Variants in TMEM196 observed in about 807,000 individuals in gnomAD.
TMEM196 encodes the protein transmembrane protein 196.
In TMEM196, 17 loss-of-function variants were observed where a neutral mutation model predicts 20.0. The observed-to-expected ratio is 0.85, with a 90% confidence interval of 0.58 to 1.27. The LOEUF is 1.27. Ranked by LOEUF, TMEM196 falls within the 50% of genes most tolerant of loss-of-function variation. The probability of loss-of-function intolerance (pLI) is 0.00; values close to 1 mark genes in which losing one functional copy is unlikely to be tolerated. For missense variants in TMEM196, 267 were observed against 223.0 expected, an observed-to-expected ratio of 1.20 and a Z score of -1.26; for synonymous variants, 113 against 88.9, an observed-to-expected ratio of 1.27 and a Z score of -1.52.
chr7:19,729,224 T>C (rs1227897618), intron 2 of TMEM196, among the ~76,000 whole-genome samples, 158 bp downstream of exon 2: 2 of 150,740 alleles, frequency 1.3e-5, no homozygotes, highest in African/African-American at 4.9e-5. Flanking sequence ...ATGGTTTTCT[T>C]TGAAAACAGA....
At chr7:19,744,603 A>G (rs1784688047) in intron 1 of TMEM196, among the ~76,000 whole-genome samples, 1 of 152,220 alleles carries the variant, frequency 6.6e-6, no homozygotes, top group Admixed American at 6.5e-5. Flanking sequence ...AATATCCCTT[A>G]GGGGTACAAT....
chr7:19,765,677 T>TA (rs1785599301), intron 1 of TMEM196, among the ~76,000 whole-genome samples: 1 of 152,168 alleles, frequency 6.6e-6, no homozygotes. Flanking sequence ...AGCTTTATGA[T>TA]AGAGTTTCTA....
intron 1 of TMEM196, among the ~76,000 whole-genome samples, chr7:19,736,443 G>T (rs1459959599): frequency 1.5e-5 from 2 of 135,292 alleles, no homozygotes; most frequent in African/African-American, 5.6e-5. Context: ...AAGTTGGAAA[G>T]CTTGCCTGAA....
At chr7:19,741,366 T>C (rs531183828) in intron 1 of TMEM196, among the ~76,000 whole-genome samples, 4 of 152,294 alleles carry the variant, frequency 2.6e-5, no homozygotes, top group African/African-American at 9.6e-5. Context: ...AATGAATGAA[T>C]CAGTAAATGC....
chr7:19,757,343 T>TC (rs1444805318), intron 1 of TMEM196, among the ~76,000 whole-genome samples: 5 of 143,110 alleles, frequency 3.5e-5, no homozygotes, highest in Non-Finnish European at 6.1e-5. Flanking sequence ...CCAGCTTTTT[T>TC]TTTTTTTTTT....
intron 1 of TMEM196, among the ~76,000 whole-genome samples, chr7:19,763,359 G>T (rs990586359): frequency 6.6e-6 from 1 of 152,068 alleles, no homozygotes; most frequent in South Asian, 2.1e-4. Context: ...AAAATAATTG[G>T]CAGGGTACAA....
At chr7:19,771,571 G>T (rs1420256191) in intron 1 of TMEM196, among the ~76,000 whole-genome samples, 1 of 152,266 alleles carries the variant, frequency 6.6e-6, no homozygotes, top group Non-Finnish European at 1.5e-5. Context: ...GATTATCAGT[G>T]ACAGAATACT....
chr7:19,727,496 T>C (rs1784040490), intron 2 of TMEM196, among the ~76,000 whole-genome samples: 1 of 152,188 alleles, frequency 6.6e-6, no homozygotes, highest in Non-Finnish European at 1.5e-5. Context: ...TTAAATATAA[T>C]ACTGAAGATC....
intron 1 of TMEM196, among the ~76,000 whole-genome samples, chr7:19,750,425 G>A (rs965106679): frequency 6.8e-6 from 1 of 146,894 alleles, no homozygotes; most frequent in African/African-American, 2.5e-5. Flanking sequence ...AGTCAGAAGA[G>A]GATTTTTTTT....
Position 19,729,417 on chromosome 7 carries a change from C to A in TMEM196, c.169G>T (p.Gly57Ter). Reference protein sequence around the residue: ...SSPFLLCGICGILCAKKKSGL... With the variant: ...SSPFLLCGIC ...GATTTTTTTTTGGCACACAATATTC[C>A]ACAAATGCCACAAAGAAGAAACTGA... Residue 57 changes from glycine (G) to a stop codon, truncating the protein, a stop_gained, in exon 2 of 5, where the codon GGA (glycine) becomes TGA (stop). Coordinates refer to ENST00000405844, the MANE Select transcript of TMEM196 (RefSeq NM_001363562.2). LOFTEE classifies it high-confidence loss of function. 6.4e-7 allele frequency: 1 copy of A among 1,550,510 alleles called. No individual in the cohort carries two copies. Among genetic ancestry groups the A allele is most frequent in the Non-Finnish European group, 8.7e-7 (1 of 1,146,684 alleles).
chr7:19,770,014 G>C (rs1785803904), intron 1 of TMEM196, among the ~76,000 whole-genome samples: 1 of 152,160 alleles, frequency 6.6e-6, no homozygotes. Flanking sequence ...AGCTAAGTAA[G>C]TGGTAGATCT....
intron 4 of TMEM196, among the ~76,000 whole-genome samples, chr7:19,723,831 A>C (rs544247986): frequency 1.3e-5 from 2 of 152,206 alleles, no homozygotes; most frequent in African/African-American, 2.4e-5. Flanking sequence ...TTACAAGAAG[A>C]ATCTTTTCAT....
Position 19,745,912 on chromosome 7 carries a change from T to A in TMEM196, c.148-16474A>T, listed in dbSNP as rs73682806. Among the ~76,000 whole-genome samples, 927 of 151,894 alleles carry A rather than the reference T, an allele frequency of 6.1e-3. 8 individuals carry two copies. Among genetic ancestry groups the A allele is most frequent in the African/African-American group, 0.021 (863 of 41,402 alleles). On this transcript the variant is annotated intron_variant, in intron 1 of 4. Transcript: ENST00000405844. ...TTTGTTCTGATTGATATCCAGATTT[T>A]AAAAAATCAAATAACTCAGAGGACC...
chr7:19,769,922 T>C (rs971396742), intron 1 of TMEM196, among the ~76,000 whole-genome samples: 2 of 152,128 alleles, frequency 1.3e-5, no homozygotes, highest in African/African-American at 2.4e-5. Context: ...CAATCCCCTA[T>C]GAATAGGGAG....
intron 2 of TMEM196, among the ~76,000 whole-genome samples, chr7:19,728,020 A>G (rs1784060262): frequency 6.6e-6 from 1 of 152,182 alleles, no homozygotes; most frequent in South Asian, 2.1e-4. Context: ...TTCTAATAGT[A>G]GGTACAGCTA....
At chr7:19,751,774 C>G (rs1018074272) in intron 1 of TMEM196, among the ~76,000 whole-genome samples, 7 of 152,188 alleles carry the variant, frequency 4.6e-5, no homozygotes, top group Admixed American at 2.0e-4. Context: ...CTTTTATTTT[C>G]TTATTTACAG....
chr7:19,735,611 T>C (rs141577480), intron 1 of TMEM196, among the ~76,000 whole-genome samples: 84 of 152,296 alleles, frequency 5.5e-4, no homozygotes, highest in African/African-American at 1.8e-3. Context: ...GTTTGAATTA[T>C]GTAATGGAAA....
At chr7:19,741,771 A>C (rs1210857396) in intron 1 of TMEM196, among the ~76,000 whole-genome samples, 1 of 152,058 alleles carries the variant, frequency 6.6e-6, no homozygotes, top group African/African-American at 2.4e-5. Context: ...ACTAGAAAAG[A>C]CTCTGTTTTT....
chr7:19,768,907 A>G (rs1312499003), intron 1 of TMEM196, among the ~76,000 whole-genome samples: 1 of 152,074 alleles, frequency 6.6e-6, no homozygotes, highest in Non-Finnish European at 1.5e-5. Flanking sequence ...TTTTTAAGCC[A>G]TCTTTCAGGT....
Sources: gnomAD v4.1 joint callset for allele counts (sites outside exome capture counted in the v4.1 genomes callset) on GRCh38, gnomAD v4.1.1 for gene constraint, MANE v1.5 for transcripts, NCBI Gene and HGNC (gene_info 2026-07-23, HGNC 2026-07-21) for gene names.